OCA2: variants seen among roughly 807,000 people sequenced by gnomAD.
OCA2 encodes the protein P protein.
OCA2 carries 77 observed loss-of-function variants against 100.2 expected under a neutral mutation model. The observed-to-expected ratio is 0.77, with a 90% confidence interval of 0.64 to 0.93. The LOEUF (loss-of-function observed/expected upper bound fraction) is 0.93, where lower values mean the gene tolerates loss of function less well. OCA2 is among the 40% of genes least tolerant of loss of function. The pLI is 0.00. For missense variants in OCA2, 1,062 were observed against 1,089.1 expected, an observed-to-expected ratio of 0.98 and a Z score of 0.35; for synonymous variants, 432 against 439.2, an observed-to-expected ratio of 0.98 and a Z score of 0.21.
intron 14 of OCA2, among the ~76,000 whole-genome samples, chr15:27,970,467 G>A (rs2040736987): frequency 6.6e-6 from 1 of 152,116 alleles, no homozygotes; most frequent in South Asian, 2.1e-4. Context: ...CAGGAAAAAC[G>A]CCCCAGCAGG....
Position 28,027,975 on chromosome 15 carries a change from T to A in OCA2, c.411A>T (p.Arg137Ser). 1 of 1,614,200 alleles carries A rather than the reference T, an allele frequency of 6.2e-7. No homozygotes were observed. The highest frequency in any genetic ancestry group is 1.1e-5 in the South Asian group (1 of 91,080). The change falls in exon 4 of 24, where the codon AGA becomes AGT. Residue 137 changes from arginine (R) to serine (S), a missense_variant. By Grantham distance (110) the Arg-to-Ser change is moderately radical. Transcript: ENST00000354638. ...CAGACACCTCCCTGCTTAGCAGGTA[T>A]CTTCGCTCCCAGTCAGCAGAGCTGT... ...WEDSSADWER[R>S]YLLSREVSGL... is the part of the protein sequence containing the mutation.
At chr15:28,027,277 C>G (rs1008608418) in intron 4 of OCA2, among the ~76,000 whole-genome samples, 13 of 152,358 alleles carry the variant, frequency 8.5e-5, no homozygotes, top group South Asian at 4.1e-4. Context: ...TGCGCATCCC[C>G]TCCCCACCCA....
chr15:27,812,090 G>T (rs528037461), intron 23 of OCA2, among the ~76,000 whole-genome samples: 6 of 152,286 alleles, frequency 3.9e-5, no homozygotes, highest in Admixed American at 1.3e-4. Flanking sequence ...ATATTTGTTA[G>T]CTGACTCTGT....
the OCA2 span, among the ~76,000 whole-genome samples, chr15:27,740,484 C>T: frequency 2.2e-4 from 33 of 152,192 alleles, no homozygotes; most frequent in African/African-American, 7.7e-4. Flanking sequence ...CATCTCTCCA[C>T]TAGGAGAGAA....
intron 21 of OCA2, among the ~76,000 whole-genome samples, chr15:27,868,332 T>C (rs556794403): frequency 6.6e-6 from 1 of 152,182 alleles, no homozygotes; most frequent in Non-Finnish European, 1.5e-5. Flanking sequence ...GATGGACATG[T>C]GGATAAAGAA....
chr15:27,941,036 A>G (rs1176991618), intron 18 of OCA2, among the ~76,000 whole-genome samples: 1 of 152,220 alleles, frequency 6.6e-6, no homozygotes, highest in African/African-American at 2.4e-5. Flanking sequence ...CCTGAAAGGA[A>G]GAATCTCTTG....
intron 11 of OCA2, among the ~76,000 whole-genome samples, 168 bp downstream of exon 11, chr15:27,989,433 C>G (rs2041472315): frequency 6.6e-6 from 1 of 152,150 alleles, no homozygotes; most frequent in Non-Finnish European, 1.5e-5. Context: ...GAACCATAGC[C>G]CCATTCCATT....
At chr15:27,825,626 C>T (rs28504269) in intron 23 of OCA2, among the ~76,000 whole-genome samples, 76,522 of 151,798 alleles carry the variant, frequency 0.5, 19,861 homozygotes, top group South Asian at 0.76. Flanking sequence ...GAGAAGTTCG[C>T]ACAGGACAGA....
chr15:28,056,220 A>G (rs1231297681), intron 2 of OCA2, among the ~76,000 whole-genome samples: 2 of 152,180 alleles, frequency 1.3e-5, no homozygotes. Context: ...TCCCATGTAG[A>G]AACAGCGTTT....
intron 23 of OCA2, among the ~76,000 whole-genome samples, chr15:27,829,474 G>C (rs2034869279): frequency 6.6e-6 from 1 of 152,190 alleles, no homozygotes; most frequent in Admixed American, 6.5e-5. Context: ...ACATGGTCTA[G>C]GCTTTGTCCA....
At chr15:27,956,362 C>A (rs558514138) in intron 16 of OCA2, among the ~76,000 whole-genome samples, 1 of 152,202 alleles carries the variant, frequency 6.6e-6, no homozygotes, top group South Asian at 2.1e-4. Context: ...AAAAATAAAA[C>A]CTGCAGAGCT....
chr15:27,860,382 C>T (rs946720587), intron 21 of OCA2, among the ~76,000 whole-genome samples: 2 of 152,202 alleles, frequency 1.3e-5, no homozygotes, highest in African/African-American at 4.8e-5. Context: ...ATTTGGACTT[C>T]AAATGTTCCT....
At chr15:27,722,518 A>G in the OCA2 span, among the ~76,000 whole-genome samples, 2 of 152,132 alleles carry the variant, frequency 1.3e-5, no homozygotes, top group East Asian at 3.9e-4. Context: ...TTTAGTATTT[A>G]TGGGAAACCC....
At chr15:27,804,015 C>A (rs1347705157) in intron 23 of OCA2, among the ~76,000 whole-genome samples, 1 of 152,140 alleles carries the variant, frequency 6.6e-6, no homozygotes, top group Non-Finnish European at 1.5e-5. Context: ...GACGGTTTCA[C>A]AGGGGTACAT....
At chr15:27,878,698 T>A (rs1304592621) in intron 19 of OCA2, among the ~76,000 whole-genome samples, 1 of 152,160 alleles carries the variant, frequency 6.6e-6, no homozygotes, top group Non-Finnish European at 1.5e-5. Context: ...TTTCCTTTAT[T>A]TCATCCTGTG....
At chr15:27,990,754 A>G in intron 9 of OCA2, 107 bp from the exon 10 acceptor site, 1 of 920,090 alleles carries the variant, frequency 1.1e-6, no homozygotes, top group Non-Finnish European at 1.8e-6. Flanking sequence ...TGTGTACCAC[A>G]TCTATTCAAA....
intron 23 of OCA2, among the ~76,000 whole-genome samples, chr15:27,806,148 G>C (rs2033836602): frequency 6.6e-6 from 1 of 152,194 alleles, no homozygotes; most frequent in African/African-American, 2.4e-5. Flanking sequence ...CGAGGGCTCT[G>C]ATGCTCCGCC....
intron 17 of OCA2, among the ~76,000 whole-genome samples, chr15:27,954,297 C>T (rs115157709): frequency 0.01 from 1,527 of 152,246 alleles, 28 homozygotes; most frequent in African/African-American, 0.034. Flanking sequence ...ACTAAAACAC[C>T]ACAGTCTAGC....
At chr15:27,946,500 T>C (rs2039841146) in intron 18 of OCA2, among the ~76,000 whole-genome samples, 1 of 152,206 alleles carries the variant, frequency 6.6e-6, no homozygotes, top group Admixed American at 6.5e-5. Context: ...TTTCTGTACC[T>C]CACTTCCGAT....
Sources: gnomAD v4.1 joint callset for allele counts (sites outside exome capture counted in the v4.1 genomes callset) on GRCh38, gnomAD v4.1.1 for gene constraint, MANE v1.5 for transcripts, NCBI Gene and HGNC (gene_info 2026-07-23, HGNC 2026-07-21) for gene names.